TFEC: variants seen among roughly 807,000 people sequenced by gnomAD.
The protein encoded by TFEC is class E basic helix-loop-helix protein 34.
In TFEC, 31 loss-of-function variants were observed where a neutral mutation model predicts 41.6. The observed-to-expected ratio is 0.74, with a 90% CI of 0.56 to 1.01. TFEC has a LOEUF of 1.01. TFEC is among the 50% of genes least tolerant of loss of function. The pLI, the probability that TFEC is intolerant of heterozygous loss-of-function variation, is 0.00. For synonymous variants in TFEC, 143 were observed against 140.6 expected (o/e 1.02, Z -0.12); for missense variants, 402 against 404.1 (o/e 0.99, Z 0.04).
intron 3 of TFEC, among the ~76,000 whole-genome samples, chr7:116,109,531 CT>C (rs1797800433): frequency 3.3e-5 from 5 of 152,338 alleles, no homozygotes; most frequent in Admixed American, 3.3e-4. Context: ...GAGATACCAT[CT>C]CACACCAGTT....
chr7:115,968,082 A>C (rs1415152229), intron 3 of TFEC: 3 of 1,207,388 alleles, frequency 2.5e-6, no homozygotes, highest in African/African-American at 3.1e-5. Context: ...CTCAATGTTC[A>C]CATACCTTAT....
At chr7:116,126,480 T>C (rs1798211026) in intron 1 of TFEC, among the ~76,000 whole-genome samples, 1 of 152,148 alleles carries the variant, frequency 6.6e-6, no homozygotes, top group South Asian at 2.1e-4. Flanking sequence ...TTTTTAGAAC[T>C]GAAGCTCATT....
At position 115,936,091 on chromosome 7, in the gene TFEC, T is replaced by C. The variant is rs1793215263; in HGVS notation, c.*4460A>G. 6.6e-6 allele frequency: 1 copy of C among 151,658 alleles called. No individual in the cohort carries two copies. Among genetic ancestry groups the C allele is most frequent in the African/African-American group, 2.4e-5 (1 of 41,390 alleles). 9.4% of individuals were successfully genotyped at this position (151,658 alleles called of 1,614,324 possible). On this transcript the variant is annotated 3_prime_UTR_variant, in exon 8 of 8. Transcript: ENST00000265440. ...GAAAATTTTAAGAAAAGCTATTTTT[T>C]CTGCTTTTGGATTGTTTCCTTGTTT...
chr7:115,962,841 C>G (rs1792632772), intron 3 of TFEC, among the ~76,000 whole-genome samples: 1 of 151,788 alleles, frequency 6.6e-6, no homozygotes, highest in Non-Finnish European at 1.5e-5. Context: ...CAAAAACTAA[C>G]AACCCAATTT....
chr7:116,105,835 C>A (rs1387755652), intron 3 of TFEC, among the ~76,000 whole-genome samples: 4 of 152,140 alleles, frequency 2.6e-5, no homozygotes, highest in African/African-American at 9.7e-5. Context: ...AGACATTTAA[C>A]TGGGAAGTTA....
intron 3 of TFEC, among the ~76,000 whole-genome samples, chr7:116,094,393 C>G (rs1797399731): frequency 6.6e-6 from 1 of 152,134 alleles, no homozygotes; most frequent in South Asian, 2.1e-4. Flanking sequence ...AATAAGAATA[C>G]ATTTTGGCCA....
intron 1 of TFEC, among the ~76,000 whole-genome samples, chr7:116,124,521 GAA>G (rs1562978348): frequency 6.6e-6 from 1 of 151,860 alleles, no homozygotes; most frequent in African/African-American, 2.4e-5. Flanking sequence ...CCTAAAATGT[GAA>G]TAATAAAACA....
chr7:116,154,699 C>G lies in TFEC; in HGVS notation c.-69+5091G>C, dbSNP rs977776852. ...CAGCCTAATTCCTTTCTCCCAGGTTCTGTTTTATTATCACAGGAAACCAGA... is the reference window on the plus strand; with the variant it reads ...CAGCCTAATTCCTTTCTCCCAGGTTGTGTTTTATTATCACAGGAAACCAGA... On this transcript the variant is annotated intron_variant, in intron 1 of 8. Transcript: ENST00000484212. 5.3e-5 allele frequency among the ~76,000 whole-genome samples: 8 copies of G among 152,232 alleles called. 1 individual carries two copies. In the South Asian group the frequency reaches 1.5e-3, roughly 28 times the overall value.
chr7:115,959,819 A>G (rs943100802), intron 3 of TFEC, among the ~76,000 whole-genome samples: 6 of 151,656 alleles, frequency 4.0e-5, no homozygotes, highest in African/African-American at 1.4e-4. Flanking sequence ...GAAAAAGACT[A>G]AGAAATAGAA....
intron 3 of TFEC, among the ~76,000 whole-genome samples, chr7:115,967,222 TA>T (rs1248079221): frequency 1.3e-5 from 2 of 151,706 alleles, no homozygotes; most frequent in Non-Finnish European, 2.9e-5. Context: ...ATACCTTATA[TA>T]TATGTGTCTG....
chr7:115,953,145 A>C (rs1490978589), intron 5 of TFEC, among the ~76,000 whole-genome samples: 5 of 135,864 alleles, frequency 3.7e-5, no homozygotes, highest in African/African-American at 5.0e-5. Context: ...CACTTGTAGC[A>C]CAGAATGGAA....
chr7:116,046,214 G>A (rs1429166097), intron 3 of TFEC, among the ~76,000 whole-genome samples: 1 of 152,112 alleles, frequency 6.6e-6, no homozygotes, highest in African/African-American at 2.4e-5. Context: ...GAAATGTGAG[G>A]ACATGATATT....
At chr7:116,073,968 A>G (rs2131031963) in intron 3 of TFEC, among the ~76,000 whole-genome samples, 1 of 152,046 alleles carries the variant, frequency 6.6e-6, no homozygotes, top group East Asian at 1.9e-4. Flanking sequence ...TAAAATGGCA[A>G]ATAATTATCT....
intron 1 of TFEC, among the ~76,000 whole-genome samples, chr7:116,145,408 A>C (rs1485234873): frequency 6.6e-6 from 1 of 152,188 alleles, no homozygotes; most frequent in African/African-American, 2.4e-5. Context: ...AGAGGAGAAA[A>C]ATCACTGGGT....
intron 3 of TFEC, among the ~76,000 whole-genome samples, chr7:116,105,456 A>G (rs1448566820): frequency 6.6e-6 from 1 of 152,234 alleles, no homozygotes; most frequent in African/African-American, 2.4e-5. Context: ...AACAGAAAAA[A>G]GAAACATACA....
chr7:116,098,262 C>T (rs150067781), intron 3 of TFEC, among the ~76,000 whole-genome samples: 3 of 152,078 alleles, frequency 2.0e-5, no homozygotes, highest in African/African-American at 4.8e-5. Flanking sequence ...CGGGTGCAAG[C>T]GATTCTCCTG....
chr7:115,944,066 T>A (rs925689435), intron 6 of TFEC, among the ~76,000 whole-genome samples: 1 of 137,524 alleles, frequency 7.3e-6, no homozygotes, highest in Non-Finnish European at 1.6e-5. Context: ...GACTCCTGAC[T>A]TAGAAAGTTT....
chr7:116,106,676 G>A (rs574428197), intron 3 of TFEC, among the ~76,000 whole-genome samples: 14 of 152,168 alleles, frequency 9.2e-5, no homozygotes, highest in South Asian at 2.1e-4. Context: ...ATGAGCCACC[G>A]TGCCTGGCTG....
chr7:115,973,242 T>C (rs1445878761), intron 3 of TFEC, among the ~76,000 whole-genome samples: 1 of 151,940 alleles, frequency 6.6e-6, no homozygotes, highest in Non-Finnish European at 1.5e-5. Context: ...CATTAGATAG[T>C]CTACTTAAGA....
Sources: allele counts gnomAD v4.1 joint callset (sites outside exome capture counted in the v4.1 genomes callset), GRCh38; gene constraint gnomAD v4.1.1; transcripts MANE v1.5; gene names NCBI Gene and HGNC (gene_info 2026-07-23, HGNC 2026-07-21).